TGFBI: variants seen among roughly 807,000 people sequenced by gnomAD.
The protein encoded by TGFBI is transforming growth factor beta induced.
Under a neutral mutation model 73.7 loss-of-function variants are expected in TGFBI, and 50 were observed. The observed-to-expected ratio is 0.68, with a 90% CI of 0.54 to 0.86. The LOEUF is 0.86. TGFBI is among the 40% of genes least tolerant of loss of function. The pLI is 0.00. For synonymous variants in TGFBI, 362 were observed against 360.5 expected, an observed-to-expected ratio of 1.00 and a Z score of -0.05; for missense variants, 839 against 877.0, an observed-to-expected ratio of 0.96 and a Z score of 0.55.
chr5:136,037,116 C>A (rs543715423), intron 2 of TGFBI, among the ~76,000 whole-genome samples: 2 of 152,346 alleles, frequency 1.3e-5, no homozygotes, highest in East Asian at 3.9e-4. Context: ...AAAAGCTTTT[C>A]TGCATTTACA....
rs45529832 is a variant in TGFBI at position 136,041,161 on chromosome 5, G to A, written c.234-2897G>A. On this transcript the variant is annotated intron_variant, in intron 2 of 16. Coordinates refer to ENST00000442011, the MANE Select transcript of TGFBI (RefSeq NM_000358.3). ...ACAGGCTGCTGCACTGGGGCTGAAG[G>A]CGTGGCTAACCCCTGCACACCTAGA... 3.3e-3 allele frequency among the ~76,000 whole-genome samples: 506 copies of A among 152,350 alleles called. 3 individuals are homozygous for A. Among genetic ancestry groups the A allele is most frequent in the African/African-American group, 0.012 (484 of 41,576 alleles).
At position 136,029,010 on chromosome 5, in the gene TGFBI, C is replaced by CT; in HGVS notation, c.-44dup. ...GCTCTCACTTCCCTGGAGCCGCCCG[C>CT]TTGCCCGTCGGTCGCTAGCTCGCTC... On this transcript the variant is annotated 5_prime_UTR_variant, in exon 1 of 17. Coordinates refer to ENST00000442011, the MANE Select transcript of TGFBI (RefSeq NM_000358.3). 1 of 1,508,366 alleles carries CT rather than the reference C, an allele frequency of 6.6e-7. No homozygotes were observed. Among genetic ancestry groups the CT allele is most frequent in the Non-Finnish European group, 8.8e-7 (1 of 1,135,430 alleles). 93.4% of individuals were successfully genotyped at this position (1,508,366 alleles called of 1,614,324 possible). A position where few individuals can be genotyped will look rare whatever the true frequency, so the allele number is the denominator to read the frequency against.
intron 2 of TGFBI, among the ~76,000 whole-genome samples, chr5:136,036,999 G>A (rs143376044): frequency 6.6e-6 from 1 of 152,334 alleles, no homozygotes; most frequent in Non-Finnish European, 1.5e-5. Context: ...GTCACACAGA[G>A]ATACAGGAGC....
intron 6 of TGFBI, chr5:136,048,982 T>C (rs1026540149): frequency 1.3e-5 from 2 of 158,054 alleles, no homozygotes; most frequent in Admixed American, 1.2e-4. Context: ...CTCATGTACG[T>C]GATTACCAGT....
chr5:136,047,170 C>A, intron 5 of TGFBI, 104 bp from the exon 6 acceptor site: 5 of 1,546,400 alleles, frequency 3.2e-6, no homozygotes, highest in Non-Finnish European at 3.5e-6. Flanking sequence ...CTTGTGGAAC[C>A]CACATTTTGC....
At chr5:136,042,806 G>T (rs1751362530) in intron 2 of TGFBI, among the ~76,000 whole-genome samples, 2 of 152,180 alleles carry the variant, frequency 1.3e-5, no homozygotes, top group South Asian at 4.1e-4. Flanking sequence ...ACCCCCTGGA[G>T]AACAGATGAA....
intron 12 of TGFBI, among the ~76,000 whole-genome samples, chr5:136,058,446 C>T (rs558183440): frequency 6.6e-6 from 1 of 152,262 alleles, no homozygotes; most frequent in South Asian, 2.1e-4. Flanking sequence ...CAGATGCCTG[C>T]CCCAGTTGCT....
chr5:136,045,632 G>A (rs1362522742), intron 3 of TGFBI: 1 of 152,140 alleles, frequency 6.6e-6, no homozygotes, highest in Middle Eastern at 3.2e-3. Context: ...AAGGTTCCTA[G>A]AGTATGTGAT....
chr5:136,059,316 T>A, intron 13 of TGFBI, 102 bp downstream of exon 13: 3 of 1,473,966 alleles, frequency 2.0e-6, no homozygotes, highest in Non-Finnish European at 2.7e-6. Flanking sequence ...AACCTTCAAG[T>A]TGCAGCCCGA....
Position 136,054,704 on chromosome 5 carries a change from C to G in TGFBI, c.1265-12C>G. ...ACATCTCTCTGGACCTAACCATCAC[C>G]CTTTCTTGTAGATGGAACCCCTCCA... is the stretch of plus-strand genomic sequence containing the variant. On this transcript the variant is annotated splice_polypyrimidine_tract_variant and intron_variant, in intron 9 of 16. Transcript: ENST00000442011. The G allele has an allele frequency of 6.2e-7, 1 of 1,613,942 alleles. No homozygotes were observed. Among genetic ancestry groups the G allele is most frequent in the Non-Finnish European group, 8.5e-7 (1 of 1,179,874 alleles).
intron 10 of TGFBI, chr5:136,055,185 C>G (rs1367116243): frequency 1.4e-5 from 4 of 294,008 alleles, no homozygotes; most frequent in African/African-American, 8.7e-5. Flanking sequence ...GAAGAGAAGC[C>G]CCCTAAACTA....
intron 14 of TGFBI, 110 bp from the exon 15 acceptor site, chr5:136,061,390 C>A: frequency 2.5e-6 from 2 of 791,626 alleles, no homozygotes; most frequent in Non-Finnish European, 4.3e-6. Context: ...GAAAACATGT[C>A]TTTGGAAATG....
Position 136,054,880 on chromosome 5 carries a change from A to G in TGFBI, c.1410+19A>G. Reference sequence around the variant, plus strand: ...TCGTAATGTAAGTTCTGGGTCCTAAATCATGCTCCTGGGAAGCTCCTTACT... The same window carrying G: ...TCGTAATGTAAGTTCTGGGTCCTAAGTCATGCTCCTGGGAAGCTCCTTACT... On this transcript the variant is annotated intron_variant, in intron 10 of 16. Transcript: ENST00000442011. 2 of 1,611,496 alleles carry G rather than the reference A, an allele frequency of 1.2e-6. No homozygotes were observed. The highest frequency in any genetic ancestry group is 1.7e-6 in the Non-Finnish European group (2 of 1,178,096).
At position 136,056,680 on chromosome 5, in the gene TGFBI, C is replaced by T. The variant is rs1340430671; in HGVS notation, c.1563C>T (p.Ala521=). The T allele has an allele frequency of 4.3e-6, 7 of 1,613,930 alleles. No homozygotes were observed. The East Asian group carries it at 1.1e-4, about 26-fold the overall frequency. Residue 521 remains alanine (A), a synonymous_variant, in exon 12 of 17, where the codon GCC becomes GCT. Coordinates refer to ENST00000442011, the MANE Select transcript of TGFBI (RefSeq NM_000358.3). ...GDNRFSMLVA[A]IQSAGLTETL... is the part of the protein sequence containing the mutation. ...GTATCTACAGCATGCTGGTAGCTGC[C>T]ATCCAGTCTGCAGGACTGACGGAGA...
chr5:136,047,226 T>C (rs746594848), intron 5 of TGFBI, 48 bp from the exon 6 acceptor site: 42 of 1,605,698 alleles, frequency 2.6e-5, no homozygotes, highest in Non-Finnish European at 3.4e-5. Flanking sequence ...GCTTTGGGAC[T>C]ATGCCTCTGT....
chr5:136,058,820 G>A, intron 12 of TGFBI: 1 of 323,278 alleles, frequency 3.1e-6, no homozygotes, highest in Non-Finnish European at 5.7e-6. Context: ...AGGGAGCCCA[G>A]CATCCCAGAC....
chr5:136,049,362 A>G (rs1400889245), intron 6 of TGFBI, 77 bp from the exon 7 acceptor site: 7 of 1,552,908 alleles, frequency 4.5e-6, no homozygotes, highest in Middle Eastern at 1.7e-4. Context: ...GCGGGGAACC[A>G]GTGAAGCTGT....
chr5:136,051,524 T>C (rs964219549), intron 7 of TGFBI, among the ~76,000 whole-genome samples: 4 of 152,196 alleles, frequency 2.6e-5, no homozygotes, highest in Non-Finnish European at 2.9e-5. Context: ...CTTTTGCAAA[T>C]CTGCCTTTTC....
At chr5:136,032,427 A>T (rs1751137561) in intron 1 of TGFBI, among the ~76,000 whole-genome samples, 1 of 152,232 alleles carries the variant, frequency 6.6e-6, no homozygotes, top group East Asian at 1.9e-4. Context: ...CTGACTCTGA[A>T]TATTTGAGAA....
Sources: allele counts gnomAD v4.1 joint callset (sites outside exome capture counted in the v4.1 genomes callset), GRCh38; gene constraint gnomAD v4.1.1; transcripts MANE v1.5; gene names NCBI Gene and HGNC (gene_info 2026-07-23, HGNC 2026-07-21).